KAZN: variants seen among roughly 807,000 people sequenced by gnomAD.
KAZN encodes kazrin.
In KAZN, 40 loss-of-function variants were observed where a neutral mutation model predicts 87.4. The observed-to-expected ratio is 0.46, with a 90% CI of 0.36 to 0.60. The LOEUF (loss-of-function observed/expected upper bound fraction) is 0.60, where lower values mean the gene tolerates loss of function less well. KAZN is among the 20% of genes least tolerant of loss of function. The pLI is 0.00. For synonymous variants in KAZN, 466 were observed against 458.3 expected (o/e 1.02, Z -0.22); for missense variants, 898 against 1,073.9 (o/e 0.84, Z 2.29).
chr1:14,925,254 A>C (rs1481383203), intron 1 of KAZN, among the ~76,000 whole-genome samples: 2 of 151,998 alleles, frequency 1.3e-5, no homozygotes, highest in African/African-American at 2.4e-5. Context: ...CTTCCCCCCA[A>C]GTTAGGGCAT....
intron 1 of KAZN, among the ~76,000 whole-genome samples, chr1:14,887,764 G>A (rs1412890800): frequency 6.6e-6 from 1 of 150,764 alleles, no homozygotes; most frequent in East Asian, 2.0e-4. Flanking sequence ...TCTCGGTAAT[G>A]AGCTTTCGGG....
At chr1:14,187,937 G>T (rs1327258653) in intron 2 of KAZN, among the ~76,000 whole-genome samples, 1 of 152,110 alleles carries the variant, frequency 6.6e-6, no homozygotes, top group Non-Finnish European at 1.5e-5. Context: ...TTGAGCATCT[G>T]TTATGTGCCA....
rs1676700926 is a variant in KAZN, at chr1:14,598,848, C to A, written c.-150C>A. The A allele has an allele frequency of 1.4e-6, 2 of 1,411,968 alleles. No homozygotes were observed. Among genetic ancestry groups the A allele is most frequent in the Non-Finnish European group, 9.2e-7 (1 of 1,089,732 alleles). The allele number at this position is 1,411,968 out of a possible 1,614,324, so 87.5% of individuals were successfully genotyped here. A position where few individuals can be genotyped will look rare whatever the true frequency, so the allele number is the denominator to read the frequency against. ...CGCTGTCATTCCTGTGCCGGAGGAA[C>A]CGGCGCTGCCGGTGCCTGGGGGTCG... is the stretch of plus-strand genomic sequence containing the variant. On this transcript the variant is annotated 5_prime_UTR_variant, in exon 1 of 15. Transcript: ENST00000376030. The surrounding 1 kb of genome is among the most constrained non-coding windows in gnomAD (Gnocchi z 4.2).
intron 2 of KAZN, among the ~76,000 whole-genome samples, chr1:14,471,618 G>A (rs536971056): frequency 3.9e-5 from 6 of 152,284 alleles, no homozygotes; most frequent in East Asian, 1.9e-4. Flanking sequence ...ACCCAAGTAC[G>A]TGCCAGGGAA....
chr1:14,620,443 C>A (rs1232193386), intron 1 of KAZN, among the ~76,000 whole-genome samples: 1 of 152,202 alleles, frequency 6.6e-6, no homozygotes, highest in Non-Finnish European at 1.5e-5. Context: ...ATGCAACCTC[C>A]ACTTTGCCAC....
At chr1:15,002,535 G>C (rs1668593043) in intron 2 of KAZN, among the ~76,000 whole-genome samples, 4 of 152,330 alleles carry the variant, frequency 2.6e-5, no homozygotes, top group Non-Finnish European at 5.9e-5. Flanking sequence ...CTCTCTGAAT[G>C]ACCTTGGGTG....
intron 1 of KAZN, among the ~76,000 whole-genome samples, chr1:14,043,622 T>A (rs929897866): frequency 1.8e-4 from 27 of 148,678 alleles, no homozygotes; most frequent in African/African-American, 5.5e-4. Context: ...GTTTTTTTTT[T>A]AATTAAATAT....
chr1:14,547,469 A>G (rs1673227424), intron 2 of KAZN, among the ~76,000 whole-genome samples: 1 of 152,236 alleles, frequency 6.6e-6, no homozygotes, highest in East Asian at 1.9e-4. Context: ...GGGTTGGAAC[A>G]GATCGTTTTC....
intron 2 of KAZN, among the ~76,000 whole-genome samples, chr1:14,970,248 C>G (rs938899113): frequency 1.3e-5 from 2 of 152,186 alleles, no homozygotes; most frequent in African/African-American, 2.4e-5. Flanking sequence ...CCTTCAATTA[C>G]CTTGCACAAG....
At chr1:14,673,451 C>A (rs780489932) in intron 1 of KAZN, among the ~76,000 whole-genome samples, 1 of 152,194 alleles carries the variant, frequency 6.6e-6, no homozygotes, top group Non-Finnish European at 1.5e-5. Context: ...GAAATGGGAA[C>A]AAGTGACTGC....
intron 1 of KAZN, among the ~76,000 whole-genome samples, chr1:14,901,545 G>C (rs1000980093): frequency 1.3e-5 from 2 of 152,192 alleles, no homozygotes; most frequent in Admixed American, 1.3e-4. Context: ...TCAGATGGGG[G>C]TGGAGAGGCC....
rs75344633 is a variant in KAZN at position 13,983,239 on chromosome 1, G to T, written c.91+89483G>T. On this transcript the variant is annotated intron_variant, in intron 1 of 16. Transcript: ENST00000636203. ...GGTGGCGCTCGTGGAGGAGGCTCGGGGGCACAGGAGCCCACGGAGGGGTTG... is the reference window on the plus strand; with the variant it reads ...GGTGGCGCTCGTGGAGGAGGCTCGGTGGCACAGGAGCCCACGGAGGGGTTG... 8.1e-3 allele frequency among the ~76,000 whole-genome samples: 1,235 copies of T among 152,344 alleles called. 86 individuals are homozygous for T. In the East Asian group the frequency reaches 0.14, roughly 18 times the overall value.
At chr1:14,470,991 T>C (rs1309592309) in intron 2 of KAZN, among the ~76,000 whole-genome samples, 2 of 152,196 alleles carry the variant, frequency 1.3e-5, no homozygotes, top group African/African-American at 4.8e-5. Context: ...TATTGAGATT[T>C]CCTGCCAATG....
chr1:14,161,762 A>G (rs1314582600), intron 1 of KAZN, among the ~76,000 whole-genome samples: 5 of 152,324 alleles, frequency 3.3e-5, no homozygotes, highest in Middle Eastern at 3.4e-3. Flanking sequence ...AATGTAAAAT[A>G]TACTCCTTCC....
Position 14,880,783 on chromosome 1 carries a change from A to G in KAZN, c.227-79901A>G, listed in dbSNP as rs147805291. Among the ~76,000 whole-genome samples the G allele has an allele frequency of 2.7e-3, 409 of 152,246 alleles. 3 individuals are homozygous for G. Among genetic ancestry groups the G allele is most frequent in the African/African-American group, 9.4e-3 (392 of 41,544 alleles). On this transcript the variant is annotated intron_variant, in intron 1 of 14. Coordinates refer to ENST00000376030, the MANE Select transcript of KAZN (RefSeq NM_201628.3). ...TGTGCATTCCAGGAGAGAGCTTTCC[A>G]AGGGAACCAACCAGAAACTGCAGGC...
chr1:14,836,066 G>T (rs546674703), intron 1 of KAZN, among the ~76,000 whole-genome samples: 2 of 152,104 alleles, frequency 1.3e-5, no homozygotes, highest in Non-Finnish European at 2.9e-5. Context: ...GAGCCCCTCC[G>T]CCCCGCTAGC....
In KAZN at chr1:14,471,317, T is replaced by G. The variant is rs778759053; in HGVS notation, c.250-127666T>G. Among the ~76,000 whole-genome samples, 112 of 152,316 alleles carry G rather than the reference T, an allele frequency of 7.4e-4. 1 individual carries two copies. Among genetic ancestry groups the G allele is most frequent in the Admixed American group, 1.9e-3 (29 of 15,298 alleles). On this transcript the variant is annotated intron_variant, in intron 2 of 16. Transcript: ENST00000636203. ...TTCAGACTTTTATATTAGAATATAA[T>G]AGAAAATAACACATATTCAGGCATA...
Position 15,043,986 on chromosome 1 carries a change from C to T in KAZN, c.556-3C>T, listed in dbSNP as rs372906973. On this transcript the variant is annotated splice_polypyrimidine_tract_variant and splice_region_variant and intron_variant, in intron 3 of 14. Coordinates refer to ENST00000376030, the MANE Select transcript of KAZN (RefSeq NM_201628.3). The stretch of plus-strand genomic sequence containing the variant: ...CGGTGCTCTCTCCCTCTCCCACCCA[C>T]AGGAGAGCGAGGATGCGGTCAAAGC... The T allele has an allele frequency of 9.3e-6, 15 of 1,606,804 alleles. No individual in the cohort carries two copies. The African/African-American group carries it at 1.7e-4, about 19-fold the overall frequency.
intron 2 of KAZN, among the ~76,000 whole-genome samples, chr1:14,452,675 C>T (rs1667341370): frequency 6.6e-6 from 1 of 152,146 alleles, no homozygotes; most frequent in African/African-American, 2.4e-5. Flanking sequence ...ACAGCCAGCG[C>T]AACAGCCTCA....
Sources: gnomAD v4.1 joint callset for allele counts (sites outside exome capture counted in the v4.1 genomes callset) on GRCh38, gnomAD v4.1.1 for gene constraint, Gnocchi (gnomAD v3.1) non-coding constraint, MANE v1.5 for transcripts, NCBI Gene and HGNC (gene_info 2026-07-23, HGNC 2026-07-21) for gene names.